RIMS1: variants seen among roughly 807,000 people sequenced by gnomAD.
RIMS1 encodes the protein regulating synaptic membrane exocytosis protein 1.
Under a neutral mutation model 214.1 loss-of-function variants are expected in RIMS1, and 83 were observed. The ratio of observed to expected loss-of-function variants is 0.39; its 90% CI spans 0.32 to 0.47. RIMS1 has a LOEUF of 0.47. Ranked by LOEUF, RIMS1 falls within the 20% of genes least tolerant of loss-of-function variation. RIMS1 has a pLI of 0.99. For synonymous variants in RIMS1, 793 were observed against 786.8 expected (o/e 1.01, Z -0.13); for missense variants, 2,050 against 2,161.8 (o/e 0.95, Z 1.03).
intron 28 of RIMS1, among the ~76,000 whole-genome samples, chr6:72,314,565 A>C (rs550807377): frequency 1.1e-3 from 165 of 152,248 alleles, no homozygotes; most frequent in African/African-American, 3.9e-3. Context: ...TGATAATCTA[A>C]CATGAGCAAT....
intron 2 of RIMS1, among the ~76,000 whole-genome samples, chr6:72,014,369 C>G (rs1316302900): frequency 3.9e-5 from 6 of 152,252 alleles, no homozygotes; most frequent in African/African-American, 1.4e-4. Context: ...GGGTGGGACA[C>G]CGCCAAACCA....
intron 1 of RIMS1, among the ~76,000 whole-genome samples, chr6:71,932,916 C>T (rs918823445): frequency 8.5e-5 from 13 of 152,194 alleles, no homozygotes; most frequent in Middle Eastern, 3.4e-3. Context: ...CATTGGGCTC[C>T]TAATATTCCT....
chr6:71,912,426 A>G (rs867430885), intron 1 of RIMS1, among the ~76,000 whole-genome samples: 5 of 152,178 alleles, frequency 3.3e-5, no homozygotes, highest in African/African-American at 1.2e-4. Flanking sequence ...GTAAAATGCT[A>G]CAGTAGAATT....
At chr6:72,223,106 T>G (rs1178403463) in intron 6 of RIMS1, among the ~76,000 whole-genome samples, 1 of 152,226 alleles carries the variant, frequency 6.6e-6, no homozygotes, top group Admixed American at 6.5e-5. Context: ...GAAACTCTTG[T>G]ATTATTGTGG....
At chr6:72,361,952 T>A (rs546871845) in intron 29 of RIMS1, among the ~76,000 whole-genome samples, 2 of 151,706 alleles carry the variant, frequency 1.3e-5, no homozygotes, top group African/African-American at 4.8e-5. Flanking sequence ...GACATGAACA[T>A]CTTTGGAGGA....
At chr6:71,897,747 T>C (rs548153020) in intron 1 of RIMS1, among the ~76,000 whole-genome samples, 3 of 152,292 alleles carry the variant, frequency 2.0e-5, no homozygotes, top group Non-Finnish European at 4.4e-5. Flanking sequence ...ACCATTCTTA[T>C]TTGAATCCCT....
intron 2 of RIMS1, among the ~76,000 whole-genome samples, chr6:72,019,887 G>T (rs984717196): frequency 6.6e-6 from 1 of 152,158 alleles, no homozygotes. Flanking sequence ...TGGTCCTAAT[G>T]TGGTATTCAC....
At chr6:72,303,344 T>G (rs1417656854) in intron 26 of RIMS1, among the ~76,000 whole-genome samples, 1 of 150,840 alleles carries the variant, frequency 6.6e-6, no homozygotes, top group Non-Finnish European at 1.5e-5. Context: ...CAAACAAGAT[T>G]ATAAAATGAT....
intron 1 of RIMS1, among the ~76,000 whole-genome samples, chr6:71,936,764 G>T (rs953828836): frequency 6.6e-6 from 1 of 152,166 alleles, no homozygotes; most frequent in African/African-American, 2.4e-5. Flanking sequence ...TGCCGCATCC[G>T]TTTTGTAAAA....
At chr6:72,034,092 T>C (rs1470540003) in intron 2 of RIMS1, among the ~76,000 whole-genome samples, 1 of 152,138 alleles carries the variant, frequency 6.6e-6, no homozygotes, top group East Asian at 1.9e-4. Context: ...ATTATTTTGG[T>C]TTTGGTTTTG....
chr6:72,020,354 C>T (rs886991485), intron 2 of RIMS1, among the ~76,000 whole-genome samples: 17 of 152,258 alleles, frequency 1.1e-4, no homozygotes, highest in Admixed American at 6.5e-5. Context: ...CATAGTTTTT[C>T]CTGCTTAAAA....
intron 2 of RIMS1, among the ~76,000 whole-genome samples, chr6:72,005,359 T>G (rs1195960374): frequency 3.3e-5 from 5 of 152,186 alleles, no homozygotes; most frequent in Admixed American, 6.5e-5. Flanking sequence ...TGCGGGCTCT[T>G]TTTTGGTTCC....
At chr6:71,890,575 A>G (rs1284164591) in intron 1 of RIMS1, among the ~76,000 whole-genome samples, 1 of 138,786 alleles carries the variant, frequency 7.2e-6, no homozygotes, top group African/African-American at 2.8e-5. Context: ...TTTTGTAAAA[A>G]AAAAAAAAAA....
chr6:72,223,506 A>C (rs1263986153), intron 6 of RIMS1, among the ~76,000 whole-genome samples: 2 of 152,210 alleles, frequency 1.3e-5, no homozygotes, highest in Non-Finnish European at 2.9e-5. Flanking sequence ...AAATGTAAAA[A>C]TGTAGCCAAG....
At chr6:72,148,982 G>A (rs1001526723) in intron 4 of RIMS1, among the ~76,000 whole-genome samples, 1 of 151,492 alleles carries the variant, frequency 6.6e-6, no homozygotes, top group Non-Finnish European at 1.5e-5. Flanking sequence ...CTAGTAAGAT[G>A]CCTCCCCAAA....
At chr6:72,064,080 G>A (rs1018084436) in intron 2 of RIMS1, among the ~76,000 whole-genome samples, 4 of 152,174 alleles carry the variant, frequency 2.6e-5, no homozygotes, top group African/African-American at 9.7e-5. Flanking sequence ...TACTTTGGGA[G>A]GTCGAGGTGG....
intron 1 of RIMS1, among the ~76,000 whole-genome samples, chr6:71,899,932 C>A (rs551968133): frequency 7.9e-5 from 12 of 152,106 alleles, no homozygotes; most frequent in Non-Finnish European, 1.6e-4. Context: ...GGGCACTACT[C>A]ATGATATGCT....
intron 1 of RIMS1, among the ~76,000 whole-genome samples, chr6:71,907,826 A>G (rs1004107565): frequency 4.6e-5 from 7 of 152,194 alleles, no homozygotes; most frequent in African/African-American, 1.7e-4. Flanking sequence ...AACTCTAGTA[A>G]GTTGGATATA....
intron 4 of RIMS1, among the ~76,000 whole-genome samples, chr6:72,121,920 T>G (rs965466700): frequency 1.3e-5 from 2 of 151,944 alleles, no homozygotes; most frequent in African/African-American, 4.8e-5. Context: ...TCATGTGGTT[T>G]TTGTCTTTGG....
Sources: gnomAD v4.1 joint callset for allele counts (sites outside exome capture counted in the v4.1 genomes callset) on GRCh38, gnomAD v4.1.1 for gene constraint, MANE v1.5 for transcripts, NCBI Gene and HGNC (gene_info 2026-07-23, HGNC 2026-07-21) for gene names.